The following LTBP1 variants were observed in gnomAD, a reference collection of about 807,000 sequenced individuals.
LTBP1 encodes the protein latent-transforming growth factor beta-binding protein 1.
LTBP1 carries 129 observed loss-of-function variants against 207.6 expected under a neutral mutation model. The ratio of observed to expected loss-of-function variants is 0.62; its 90% CI spans 0.54 to 0.72. LTBP1 has a LOEUF of 0.72. LTBP1 is among the 30% of genes least tolerant of loss of function. The pLI is 0.00. For synonymous variants in LTBP1, 963 were observed against 833.7 expected, an observed-to-expected ratio of 1.16 and a Z score of -2.67; for missense variants, 2,281 against 2,217.2, an observed-to-expected ratio of 1.03 and a Z score of -0.58.
chr2:33,284,015 C>T (rs938901322), intron 19 of LTBP1, among the ~76,000 whole-genome samples: 13 of 152,090 alleles, frequency 8.5e-5, no homozygotes, highest in Non-Finnish European at 1.3e-4. Context: ...GACTCTCTTT[C>T]TATTGAATGA....
At chr2:33,149,220 CAAAAAAACAAAAAAAAAAAAAA>C (rs1558707236) in intron 5 of LTBP1, among the ~76,000 whole-genome samples, 4 of 15,170 alleles carry the variant, frequency 2.6e-4, no homozygotes, top group African/African-American at 2.8e-4. Flanking sequence ...GTCTCACTCA[CAAAAAAACAAAAAAAAAAAAAA>C]AAAAAAAAAA....
rs531100094 is a variant in LTBP1, at chr2:33,175,806, G to A, written c.1202-11050G>A. ...TAAGAAAATGTGGCACATGTACACCGTGGAATACTATGCAGCCATAAAAAA... is the reference window on the plus strand; with the variant it reads ...TAAGAAAATGTGGCACATGTACACCATGGAATACTATGCAGCCATAAAAAA... On this transcript the variant is annotated intron_variant, in intron 5 of 33. Coordinates refer to ENST00000404816, the MANE Select transcript of LTBP1 (RefSeq NM_206943.4). Among the ~76,000 whole-genome samples, 467 of 136,328 alleles carry A rather than the reference G, an allele frequency of 3.4e-3. 2 individuals carry two copies. Among genetic ancestry groups the A allele is most frequent in the Non-Finnish European group, 5.2e-3 (322 of 62,406 alleles). The allele number at this position is 136,328 out of a possible 152,430, so 89.4% of individuals were successfully genotyped here.
chr2:33,037,250 C>A (rs2075969842), intron 3 of LTBP1, among the ~76,000 whole-genome samples: 1 of 152,208 alleles, frequency 6.6e-6, no homozygotes, highest in African/African-American at 2.4e-5. Context: ...GTTTCTCCAT[C>A]CTCTATCCTA....
At chr2:33,363,989 T>C (rs2094955208) in intron 29 of LTBP1, among the ~76,000 whole-genome samples, 1 of 152,222 alleles carries the variant, frequency 6.6e-6, no homozygotes, top group Admixed American at 6.5e-5. Flanking sequence ...GGATGTTTTC[T>C]TTCCTTATTT....
At chr2:33,377,889 A>G (rs1180199981) in intron 31 of LTBP1, among the ~76,000 whole-genome samples, 1 of 151,906 alleles carries the variant, frequency 6.6e-6, no homozygotes, top group Non-Finnish European at 1.5e-5. Flanking sequence ...GAAACCATCA[A>G]CTCTCCTGAG....
At chr2:33,342,175 G>C (rs1439526882) in intron 24 of LTBP1, among the ~76,000 whole-genome samples, 1 of 152,166 alleles carries the variant, frequency 6.6e-6, no homozygotes, top group Admixed American at 6.5e-5. Context: ...AGAAAAAAAG[G>C]CAGAAGATCA....
chr2:33,288,152 G>A (rs561135911), intron 19 of LTBP1, among the ~76,000 whole-genome samples: 2 of 152,288 alleles, frequency 1.3e-5, no homozygotes, highest in South Asian at 4.2e-4. Context: ...AGAAATAATT[G>A]GCTATGTTGA....
intron 24 of LTBP1, among the ~76,000 whole-genome samples, chr2:33,324,071 A>G (rs1276146456): frequency 6.6e-6 from 1 of 152,012 alleles, no homozygotes; most frequent in East Asian, 1.9e-4. Flanking sequence ...TAGCCCATAG[A>G]ACATACTCAA....
intron 13 of LTBP1, among the ~76,000 whole-genome samples, chr2:33,261,196 A>G (rs1484974178): frequency 1.3e-5 from 2 of 152,180 alleles, no homozygotes; most frequent in East Asian, 1.9e-4. Context: ...GTATTTGTTA[A>G]ATGTAGAAGT....
Position 33,243,897 on chromosome 2 carries a change from C to T in LTBP1, c.1999+113C>T. On this transcript the variant is annotated intron_variant, in intron 10 of 33. Transcript: ENST00000404816. The stretch of plus-strand genomic sequence containing the variant: ...AATGCTTGTAAATATACAGGAAAAC[C>T]TCATTAATTAAAATAACAAGCAAGG... 9 of 1,201,142 alleles carry T rather than the reference C, an allele frequency of 7.5e-6. No homozygotes were observed. The South Asian group carries it at 1.0e-4, about 14-fold the overall frequency. 74.4% of individuals were successfully genotyped at this position (1,201,142 alleles called of 1,614,324 possible). A position where few individuals can be genotyped will look rare whatever the true frequency, so the allele number is the denominator to read the frequency against.
At chr2:33,062,302 T>C (rs1327690002) in intron 3 of LTBP1, among the ~76,000 whole-genome samples, 1 of 152,152 alleles carries the variant, frequency 6.6e-6, no homozygotes, top group East Asian at 1.9e-4. Flanking sequence ...TGAGCAGTTT[T>C]TAATTTTGTT....
intron 3 of LTBP1, 78 bp from the exon 4 acceptor site, chr2:33,110,504 G>T: frequency 7.5e-7 from 1 of 1,325,298 alleles, no homozygotes; most frequent in East Asian, 2.3e-5. Flanking sequence ...CATTTAACTC[G>T]TTGCTTACCC....
At chr2:33,203,350 G>T (rs2089530905) in intron 7 of LTBP1, among the ~76,000 whole-genome samples, 1 of 152,176 alleles carries the variant, frequency 6.6e-6, no homozygotes, top group South Asian at 2.1e-4. Context: ...ATGTCACTGG[G>T]CTCCTGCCAG....
chr2:33,245,399 A>T (rs1305403489), intron 10 of LTBP1, among the ~76,000 whole-genome samples: 1 of 152,238 alleles, frequency 6.6e-6, no homozygotes, highest in Admixed American at 6.5e-5. Flanking sequence ...CTCATTTATT[A>T]CTTTTAGGTG....
At chr2:33,007,762 G>A (rs1272942408) in intron 2 of LTBP1, among the ~76,000 whole-genome samples, 1 of 152,168 alleles carries the variant, frequency 6.6e-6, no homozygotes, top group African/African-American at 2.4e-5. Flanking sequence ...TGGTGCATAG[G>A]ATAATAATAA....
intron 31 of LTBP1, among the ~76,000 whole-genome samples, chr2:33,377,873 A>G (rs2150333486): frequency 6.6e-6 from 1 of 152,274 alleles, no homozygotes; most frequent in Non-Finnish European, 1.5e-5. Context: ...AGGAAGTGCC[A>G]CACTTGAAAC....
chr2:33,075,045 C>T (rs899329593), intron 3 of LTBP1, among the ~76,000 whole-genome samples: 7 of 151,866 alleles, frequency 4.6e-5, no homozygotes, highest in Non-Finnish European at 7.4e-5. Flanking sequence ...AGTGAGACTC[C>T]GTCTCAAAAA....
chr2:33,048,834 A>G (rs2076579384), intron 3 of LTBP1, among the ~76,000 whole-genome samples: 1 of 152,216 alleles, frequency 6.6e-6, no homozygotes, highest in African/African-American at 2.4e-5. Flanking sequence ...GATGCTGATA[A>G]TCTCTAATAC....
At position 33,254,228 on chromosome 2, in the gene LTBP1, T is replaced by A. The variant is rs75772827; in HGVS notation, c.2167+1384T>A. 5.8e-3 allele frequency among the ~76,000 whole-genome samples: 876 copies of A among 152,240 alleles called. 10 individuals carry two copies. The highest frequency in any genetic ancestry group is 0.02 in the African/African-American group (839 of 41,560). On this transcript the variant is annotated intron_variant, in intron 11 of 33. Transcript: ENST00000404816. ...TTATAATTTATAGACACGTTTCTCT[T>A]GAAGTTCAGTTTTTAAAGCTTTCAG...
Sources: allele counts gnomAD v4.1 joint callset (sites outside exome capture counted in the v4.1 genomes callset), GRCh38; gene constraint gnomAD v4.1.1; transcripts MANE v1.5; gene names NCBI Gene and HGNC (gene_info 2026-07-23, HGNC 2026-07-21).